Variants in SCP2 observed in about 807,000 individuals in gnomAD.
The protein encoded by SCP2 is sterol carrier protein 2.
A neutral mutation model predicts 71.4 loss-of-function variants in SCP2; 48 were observed. The observed-to-expected ratio is 0.67, with a 90% confidence interval of 0.53 to 0.86. The LOEUF is 0.86. Ranked by LOEUF, SCP2 falls within the 40% of genes least tolerant of loss-of-function variation. The pLI is 0.00. For synonymous variants in SCP2, 220 were observed against 218.1 expected, an observed-to-expected ratio of 1.01 and a Z score of -0.08; for missense variants, 560 against 655.6, an observed-to-expected ratio of 0.85 and a Z score of 1.59.
At chr1:52,936,467 G>A (rs968139237) in intron 1 of SCP2, among the ~76,000 whole-genome samples, 1 of 152,186 alleles carries the variant, frequency 6.6e-6, no homozygotes, top group African/African-American at 2.4e-5. Context: ...GGGATAGAAT[G>A]TACAATCAAA....
At chr1:52,928,884 A>C (rs566462639) in intron 1 of SCP2, 1 of 154,528 alleles carries the variant, frequency 6.5e-6, no homozygotes, top group East Asian at 1.9e-4. Context: ...ACAGGTGGAC[A>C]GTAGGATCTT....
intron 9 of SCP2, among the ~76,000 whole-genome samples, chr1:52,979,855 C>T (rs1658319650): frequency 6.6e-6 from 1 of 152,034 alleles, no homozygotes; most frequent in South Asian, 2.1e-4. Context: ...TTTAGACTTT[C>T]TGTGTAATAT....
intron 1 of SCP2, among the ~76,000 whole-genome samples, chr1:52,930,253 T>C (rs1433892003): frequency 6.6e-6 from 1 of 151,924 alleles, no homozygotes; most frequent in African/African-American, 2.4e-5. Context: ...TTGTAACAAC[T>C]GAAACAATTT....
chr1:53,037,280 C>T (rs72903186), intron 13 of SCP2, among the ~76,000 whole-genome samples: 14,962 of 151,858 alleles, frequency 0.099, 1,457 homozygotes, highest in African/African-American at 0.22. Flanking sequence ...GCTCTTGTTT[C>T]TTTTAAACAA....
At chr1:52,954,492 C>T (rs1479456508) in intron 4 of SCP2, among the ~76,000 whole-genome samples, 1 of 152,116 alleles carries the variant, frequency 6.6e-6, no homozygotes, top group Non-Finnish European at 1.5e-5. Flanking sequence ...TACCACCACA[C>T]TCAGCTAATT....
In SCP2 at chr1:52,935,240, T is replaced by C. The variant is rs553071227; in HGVS notation, c.70-6556T>C. ...GAGATCGCCCCATTGCACTCCAGCT[T>C]GGGCAACAAGAGCAAAACTCCGTTT... On this transcript the variant is annotated intron_variant, in intron 1 of 15. Transcript: ENST00000371514. 3.3e-5 allele frequency among the ~76,000 whole-genome samples: 5 copies of C among 150,908 alleles called. No individual in the cohort carries two copies. In the East Asian group the frequency reaches 1.0e-3, roughly 30 times the overall value.
intron 10 of SCP2, among the ~76,000 whole-genome samples, chr1:52,983,870 G>T (rs148899700): frequency 2.2e-4 from 33 of 152,274 alleles, no homozygotes; most frequent in African/African-American, 7.9e-4. Flanking sequence ...AACAATTTTG[G>T]ATTGTATCCT....
rs1296195197 is a variant in SCP2 at position 52,967,062 on chromosome 1, C to T, written c.523+5433C>T. On this transcript the variant is annotated intron_variant, in intron 6 of 15. Coordinates refer to ENST00000371514, the MANE Select transcript of SCP2 (RefSeq NM_002979.5). ...AAAATTAGTCAGGCATGGTGGCAGGCGCCTGTAATCCCAGCTACTCAGGAG... is the reference window on the plus strand; with the variant it reads ...AAAATTAGTCAGGCATGGTGGCAGGTGCCTGTAATCCCAGCTACTCAGGAG... Among the ~76,000 whole-genome samples the T allele has an allele frequency of 9.2e-5, 14 of 151,832 alleles. No individual in the cohort carries two copies. In the East Asian group the frequency reaches 9.7e-4, roughly 10 times the overall value.
At chr1:52,998,603 C>T (rs1324601332) in intron 11 of SCP2, among the ~76,000 whole-genome samples, 3 of 147,074 alleles carry the variant, frequency 2.0e-5, no homozygotes, top group Admixed American at 7.1e-5. Flanking sequence ...TGGTGGCGCA[C>T]GTCTGTGGTC....
intron 12 of SCP2, among the ~76,000 whole-genome samples, chr1:53,017,776 A>G (rs2150231920): frequency 6.6e-6 from 1 of 152,366 alleles, no homozygotes; most frequent in Middle Eastern, 3.4e-3. Flanking sequence ...AAAGACAACA[A>G]GAAGCAATAC....
rs1200771420 is a variant in SCP2, at chr1:52,927,365, G to A, written c.-32G>A. 2.1e-5 allele frequency: 32 copies of A among 1,552,662 alleles called. No homozygotes were observed. The highest frequency in any genetic ancestry group is 2.8e-5 in the Non-Finnish European group (32 of 1,146,010). On this transcript the variant is annotated 5_prime_UTR_variant, in exon 1 of 16. Coordinates refer to ENST00000371514, the MANE Select transcript of SCP2 (RefSeq NM_002979.5). ...CCTGTCAGTGCCGGCAGTCGTCCGC[G>A]GCGCCCGCCCCGGTCCCGCACTGGT...
At chr1:52,987,663 G>A (rs1659119028) in intron 10 of SCP2, among the ~76,000 whole-genome samples, 1 of 152,028 alleles carries the variant, frequency 6.6e-6, no homozygotes, top group Non-Finnish European at 1.5e-5. Context: ...CAGTACAGAT[G>A]AAAATAGAAA....
intron 1 of SCP2, among the ~76,000 whole-genome samples, chr1:52,939,046 G>T (rs550023670): frequency 4.0e-4 from 61 of 152,228 alleles, no homozygotes; most frequent in African/African-American, 1.4e-3. Flanking sequence ...TGGAATCATA[G>T]TTTGTAGTCT....
At chr1:52,960,618 A>G (rs1490053721) in intron 5 of SCP2, among the ~76,000 whole-genome samples, 6 of 145,516 alleles carry the variant, frequency 4.1e-5, no homozygotes, top group African/African-American at 1.3e-4. Flanking sequence ...ATATATGTAT[A>G]TATGTATGTA....
chr1:52,999,180 T>C (rs570500803), intron 11 of SCP2, among the ~76,000 whole-genome samples: 26 of 152,350 alleles, frequency 1.7e-4, no homozygotes, highest in African/African-American at 6.3e-4. Flanking sequence ...CCTTGCTACA[T>C]ATTGAGGATT....
chr1:52,930,591 A>G (rs1653059667), intron 1 of SCP2, among the ~76,000 whole-genome samples: 2 of 151,860 alleles, frequency 1.3e-5, no homozygotes. Flanking sequence ...GAGCCACCAC[A>G]CTCCAGCCTG....
chr1:52,954,597 G>T, intron 4 of SCP2, 143 bp from the exon 5 acceptor site: 1 of 736,912 alleles, frequency 1.4e-6, no homozygotes, highest in South Asian at 1.5e-5. Context: ...CAGTTTATCT[G>T]CTTTGATCTC....
intron 1 of SCP2, among the ~76,000 whole-genome samples, chr1:52,937,821 T>G (rs1653872105): frequency 6.6e-6 from 1 of 152,140 alleles, no homozygotes; most frequent in Non-Finnish European, 1.5e-5. Flanking sequence ...AGAAAGCAAA[T>G]TAGAACAGCA....
intron 5 of SCP2, among the ~76,000 whole-genome samples, chr1:52,961,241 C>T (rs2150142974): frequency 6.6e-6 from 1 of 151,490 alleles, no homozygotes; most frequent in African/African-American, 2.4e-5. Context: ...CCCCACCCCA[C>T]AACAGGATGG....
Sources: allele counts gnomAD v4.1 joint callset (sites outside exome capture counted in the v4.1 genomes callset), GRCh38; gene constraint gnomAD v4.1.1; transcripts MANE v1.5; gene names NCBI Gene and HGNC (gene_info 2026-07-23, HGNC 2026-07-21).